Variants in CNNM2 observed in about 807,000 individuals in gnomAD.
The protein encoded by CNNM2 is metal transporter CNNM2.
CNNM2 carries 12 observed loss-of-function variants against 66.9 expected under a neutral mutation model. The observed-to-expected ratio is 0.18, with a 90% CI of 0.11 to 0.29. The LOEUF is 0.29. CNNM2 is among the 10% of genes least tolerant of loss of function. The pLI, the probability that CNNM2 is intolerant of heterozygous loss-of-function variation, is 1.00. For missense variants in CNNM2, 705 were observed against 1,167.7 expected (o/e 0.60, Z 5.77); for synonymous variants, 557 against 501.8 (o/e 1.11, Z -1.47).
chr10:102,981,516 A>T (rs565498693), intron 1 of CNNM2, among the ~76,000 whole-genome samples: 4 of 151,684 alleles, frequency 2.6e-5, no homozygotes, highest in South Asian at 4.2e-4. Flanking sequence ...CAGCCTCCCG[A>T]GTAGCTGGGA....
intron 1 of CNNM2, among the ~76,000 whole-genome samples, chr10:102,964,665 T>C (rs1355062403): frequency 6.6e-6 from 1 of 152,158 alleles, no homozygotes; most frequent in Non-Finnish European, 1.5e-5. Context: ...GACATAAACT[T>C]GGGCTCTGCT....
chr10:102,920,369 C>T (rs1037331406), intron 1 of CNNM2, among the ~76,000 whole-genome samples: 8 of 151,414 alleles, frequency 5.3e-5, no homozygotes, highest in Non-Finnish European at 8.8e-5. Context: ...GTGCATGACA[C>T]TTATTTATTT....
At chr10:102,968,165 G>A (rs1007437812) in intron 1 of CNNM2, among the ~76,000 whole-genome samples, 6 of 152,132 alleles carry the variant, frequency 3.9e-5, no homozygotes. Flanking sequence ...TCTCCAACTT[G>A]GCTGTATGTA....
In CNNM2 at chr10:103,056,792, T is replaced by C; in HGVS notation, c.1904-3T>C. On this transcript the variant is annotated splice_region_variant and splice_polypyrimidine_tract_variant and intron_variant, in intron 3 of 7. Transcript: ENST00000369878. ...TAATATCAAGTTGTGTTTATATCTA[T>C]AGAAGTAGAAGCATTTAGCCCATCC... 6 of 1,613,668 alleles carry C rather than the reference T, an allele frequency of 3.7e-6. No homozygotes were observed. In the South Asian group the frequency reaches 5.5e-5, roughly 15 times the overall value.
At chr10:102,982,966 A>G (rs1358490032) in intron 1 of CNNM2, among the ~76,000 whole-genome samples, 1 of 152,172 alleles carries the variant, frequency 6.6e-6, no homozygotes, top group Non-Finnish European at 1.5e-5. Flanking sequence ...AATATTAAAA[A>G]CTATTCCTTA....
intron 1 of CNNM2, among the ~76,000 whole-genome samples, chr10:103,044,928 C>T (rs1279994560): frequency 2.6e-5 from 4 of 152,162 alleles, no homozygotes; most frequent in Non-Finnish European, 5.9e-5. Context: ...GCTGGTATTT[C>T]AAGTATGTCC....
chr10:102,972,986 G>A (rs576492005), intron 1 of CNNM2, among the ~76,000 whole-genome samples: 27 of 152,118 alleles, frequency 1.8e-4, no homozygotes, highest in African/African-American at 6.0e-4. Flanking sequence ...TTTTCCCCAC[G>A]TTTTAACATC....
chr10:102,927,457 G>A, intron 1 of CNNM2: 1 of 1,606,428 alleles, frequency 6.2e-7, no homozygotes, highest in Non-Finnish European at 8.5e-7. Flanking sequence ...CTATACAGAG[G>A]GATAAAAAGG....
intron 1 of CNNM2, among the ~76,000 whole-genome samples, chr10:103,039,901 C>T (rs1442431106): frequency 1.3e-5 from 2 of 152,152 alleles, no homozygotes; most frequent in African/African-American, 4.8e-5. Flanking sequence ...GGCAGTGGCT[C>T]ATGCCTGTAG....
rs1481995466 is a variant in CNNM2, at chr10:103,077,032, C to T, written c.2480C>T (p.Ser827Phe). ...MASRMDKTPQ[S>F]SDSENTKIEL... is the part of the protein sequence containing the mutation. ...TCCCGGATGGACAAAACCCCCCAGT[C>T]TTCAGACAGTGAAAACACTAAAATC... The change falls in exon 8 of 8, where the codon TCT becomes TTT. Residue 827 changes from serine to phenylalanine, a missense_variant. Ser to Phe is a radical substitution (Grantham distance 155). Coordinates refer to ENST00000369878, the MANE Select transcript of CNNM2 (RefSeq NM_017649.5). 1.2e-6 allele frequency: 2 copies of T among 1,613,986 alleles called. No individual in the cohort carries two copies. The highest frequency in any genetic ancestry group is 1.7e-6 in the Non-Finnish European group (2 of 1,179,898).
chr10:102,975,195 A>G (rs1014411427), intron 1 of CNNM2, among the ~76,000 whole-genome samples: 4 of 152,216 alleles, frequency 2.6e-5, no homozygotes, highest in Non-Finnish European at 5.9e-5. Flanking sequence ...GCTGTGTTTT[A>G]GAGGATATAA....
In CNNM2 at chr10:103,090,031, G is replaced by A. The variant is rs1400301700; in HGVS notation, c.*12851G>A. 1 of 668,128 alleles carries A rather than the reference G, an allele frequency of 1.5e-6. No homozygotes were observed. The highest frequency in any genetic ancestry group is 2.4e-6 in the Non-Finnish European group (1 of 413,472). The allele number at this position is 668,128 out of a possible 1,614,324, so 41.4% of individuals were successfully genotyped here. A position where few individuals can be genotyped will look rare whatever the true frequency, so the allele number is the denominator to read the frequency against. ...ACATCTATAATGGACCACAGGACAA[G>A]TCAATATAGACTTATCTTCATAGAA... is the stretch of plus-strand genomic sequence containing the variant. On this transcript the variant is annotated 3_prime_UTR_variant, in exon 8 of 8. Transcript: ENST00000369878.
At chr10:103,027,615 A>G (rs895483776) in intron 1 of CNNM2, 8 of 152,258 alleles carry the variant, frequency 5.3e-5, no homozygotes, top group African/African-American at 1.9e-4. Context: ...GGTGATACAA[A>G]TGATGGTCTT....
chr10:103,051,517 G>A (rs2065213122), intron 2 of CNNM2, among the ~76,000 whole-genome samples: 1 of 151,758 alleles, frequency 6.6e-6, no homozygotes, highest in Admixed American at 6.6e-5. Context: ...GAGGCGGGTG[G>A]ATCACTTGAG....
Position 103,003,560 on chromosome 10 carries a change from A to G in CNNM2, c.1622-46147A>G, listed in dbSNP as rs528518122. On this transcript the variant is annotated intron_variant, in intron 1 of 7. Transcript: ENST00000369878. ...TGAAATAAACTGGGTGCGTTGGCTC[A>G]TGCCTGTAATCCTAGCACTTTGGGA... 2.4e-3 allele frequency among the ~76,000 whole-genome samples: 370 copies of G among 152,240 alleles called. 1 individual carries two copies. The highest frequency in any genetic ancestry group is 4.1e-3 in the Non-Finnish European group (278 of 68,014).
At chr10:103,070,665 G>A (rs1388352964) in intron 5 of CNNM2, among the ~76,000 whole-genome samples, 1 of 152,220 alleles carries the variant, frequency 6.6e-6, no homozygotes, top group East Asian at 1.9e-4. Context: ...AGGATGTGGT[G>A]AGCAGCCCTC....
In CNNM2 at chr10:103,056,811, C is replaced by T. The variant is rs776447790; in HGVS notation, c.1920C>T (p.Ser640=). 1.6e-5 allele frequency: 26 copies of T among 1,613,882 alleles called. No individual in the cohort carries two copies. The highest frequency in any genetic ancestry group is 2.1e-5 in the Non-Finnish European group (25 of 1,179,830). Reference sequence around the variant, plus strand: ...TATCTATAGAAGTAGAAGCATTTAGCCCATCCCAGATGTCAGAGAAGATCC... The same window carrying T: ...TATCTATAGAAGTAGAAGCATTTAGTCCATCCCAGATGTCAGAGAAGATCC... The part of the protein sequence containing the change: ...RFLATEVEAF[S]PSQMSEKILL... The change falls in exon 4 of 8, where the codon AGC becomes AGT. Residue 640 remains serine (S), a synonymous_variant. Transcript: ENST00000369878.
At chr10:103,001,380 T>C (rs1025894257) in intron 1 of CNNM2, among the ~76,000 whole-genome samples, 2 of 152,126 alleles carry the variant, frequency 1.3e-5, no homozygotes, top group African/African-American at 4.8e-5. Context: ...AAAAATCTTA[T>C]TACACAGCTA....
In CNNM2 at chr10:102,918,753, G is replaced by T. The variant is rs764090074; in HGVS notation, c.273G>T (p.Gly91=). 227 of 1,591,858 alleles carry T rather than the reference G, an allele frequency of 1.4e-4. No homozygotes were observed. The highest frequency in any genetic ancestry group is 1.0e-3 in the South Asian group (89 of 87,590). ...DTNDVSFMEG[G]ALRVSERTRV... ...ACGACGTGTCGTTCATGGAAGGGGGGGCGCTGCGGGTGAGCGAACGGACCC... is the reference window on the plus strand; with the variant it reads ...ACGACGTGTCGTTCATGGAAGGGGGTGCGCTGCGGGTGAGCGAACGGACCC... The change falls in exon 1 of 8, where the codon GGG becomes GGT. Residue 91 remains glycine (G), a synonymous_variant. Coordinates refer to ENST00000369878, the MANE Select transcript of CNNM2 (RefSeq NM_017649.5). This position sits in a 1 kb window ranked among gnomAD's most constrained non-coding sequence, Gnocchi z 4.1.
Sources: allele counts gnomAD v4.1 joint callset (sites outside exome capture counted in the v4.1 genomes callset), GRCh38; gene constraint gnomAD v4.1.1; non-coding constraint Gnocchi (gnomAD v3.1); transcripts MANE v1.5; gene names NCBI Gene and HGNC (gene_info 2026-07-23, HGNC 2026-07-21).